MMP16: variants seen among roughly 807,000 people sequenced by gnomAD.
MMP16 encodes matrix metalloproteinase-16.
Under a neutral mutation model 67.8 loss-of-function variants are expected in MMP16, and 12 were observed. The observed-to-expected ratio is 0.18, with a 90% CI of 0.11 to 0.29. The LOEUF is 0.29. Among genes scored for constraint, MMP16 ranks in the 10% least tolerant of loss-of-function variants. The pLI, the probability that MMP16 is intolerant of heterozygous loss-of-function variation, is 1.00. For missense variants in MMP16, 475 were observed against 765.7 expected, an observed-to-expected ratio of 0.62 and a Z score of 4.48; for synonymous variants, 249 against 255.9, an observed-to-expected ratio of 0.97 and a Z score of 0.26.
chr8:88,196,010 A>G (rs1809243402), intron 2 of MMP16, among the ~76,000 whole-genome samples: 2 of 152,216 alleles, frequency 1.3e-5, no homozygotes, highest in African/African-American at 4.8e-5. Context: ...AAGGATGTCT[A>G]AGTCTAGATA....
At position 88,314,617 on chromosome 8, in the gene MMP16, C is replaced by T. The variant is rs62524547; in HGVS notation, c.132+12458G>A. On this transcript the variant is annotated intron_variant, in intron 1 of 9. Transcript: ENST00000286614. ...ATTATTTTTCATAACTGAGGCAAGA[C>T]ACTTCTGAGCACTCTCCCCTTTGCC... is the stretch of plus-strand genomic sequence containing the variant. 3.7e-3 allele frequency among the ~76,000 whole-genome samples: 570 copies of T among 152,298 alleles called. 2 individuals are homozygous for T. Among genetic ancestry groups the T allele is most frequent in the Non-Finnish European group, 6.6e-3 (448 of 68,026 alleles).
rs1325696512 is a variant in MMP16 at position 88,041,905 on chromosome 8, T to G, written c.1490-110A>C. ...TCTTAAGAGATGTATTTTAAGGCCC[T>G]TTAATTTTCATAGGAAGAAAACACT... On this transcript the variant is annotated intron_variant, in intron 9 of 9. Coordinates refer to ENST00000286614, the MANE Select transcript of MMP16 (RefSeq NM_005941.5). The surrounding 1 kb of genome is among the most constrained non-coding windows in gnomAD (Gnocchi z 6.0). The G allele has an allele frequency of 2.5e-6, 2 of 812,448 alleles. No individual in the cohort carries two copies. Among genetic ancestry groups the G allele is most frequent in the East Asian group, 5.3e-5 (2 of 37,558 alleles). The allele number at this position is 812,448 out of a possible 1,614,324, so 50.3% of individuals were successfully genotyped here.
At chr8:88,265,870 C>G (rs1810468864) in intron 1 of MMP16, among the ~76,000 whole-genome samples, 1 of 152,204 alleles carries the variant, frequency 6.6e-6, no homozygotes, top group African/African-American at 2.4e-5. Context: ...CAAATCTACA[C>G]TGACAACTGA....
Position 88,037,897 on chromosome 8 carries a change from G to A in MMP16, c.*3564C>T, listed in dbSNP as rs74930310. 6.6e-6 allele frequency: 1 copy of A among 151,942 alleles called. No individual in the cohort carries two copies. Among genetic ancestry groups the A allele is most frequent in the Non-Finnish European group, 1.5e-5 (1 of 67,880 alleles). The allele number at this position is 151,942 out of a possible 1,614,324, so 9.4% of individuals were successfully genotyped here. A position where few individuals can be genotyped will look rare whatever the true frequency, so the allele number is the denominator to read the frequency against. On this transcript the variant is annotated 3_prime_UTR_variant, in exon 10 of 10. Coordinates refer to ENST00000286614, the MANE Select transcript of MMP16 (RefSeq NM_005941.5). ...GAGAATTATTTTTGCAGGCATGAATGTGTTTTCATTTCAATTTGGGAAATC... is the reference window on the plus strand; with the variant it reads ...GAGAATTATTTTTGCAGGCATGAATATGTTTTCATTTCAATTTGGGAAATC...
chr8:88,140,096 G>A (rs979202466), intron 4 of MMP16, among the ~76,000 whole-genome samples: 1 of 152,058 alleles, frequency 6.6e-6, no homozygotes, highest in South Asian at 2.1e-4. Flanking sequence ...AATTTGATAC[G>A]GTCTGGGTCT....
intron 3 of MMP16, among the ~76,000 whole-genome samples, chr8:88,169,346 A>G (rs1240962779): frequency 6.6e-6 from 1 of 152,174 alleles, no homozygotes; most frequent in Non-Finnish European, 1.5e-5. Flanking sequence ...AGCATTTACT[A>G]TGAGCTAGAT....
intron 7 of MMP16, among the ~76,000 whole-genome samples, chr8:88,061,349 T>C (rs1242675309): frequency 6.6e-6 from 1 of 152,078 alleles, no homozygotes; most frequent in Non-Finnish European, 1.5e-5. Flanking sequence ...TATACCTCAG[T>C]GACTTATTGC....
intron 4 of MMP16, among the ~76,000 whole-genome samples, chr8:88,161,342 T>A (rs1348255640): frequency 6.6e-6 from 1 of 152,178 alleles, no homozygotes; most frequent in African/African-American, 2.4e-5. Flanking sequence ...CGTAGAGGTG[T>A]TTATAGTATT....
At chr8:88,237,823 C>G (rs1425237898) in intron 1 of MMP16, among the ~76,000 whole-genome samples, 1 of 152,136 alleles carries the variant, frequency 6.6e-6, no homozygotes, top group Non-Finnish European at 1.5e-5. Context: ...GCATGGTAAC[C>G]TACATGGATG....
At position 88,099,966 on chromosome 8, in the gene MMP16, A is replaced by T. The variant is rs183256628; in HGVS notation, c.1083+16541T>A. On this transcript the variant is annotated intron_variant, in intron 6 of 9. Transcript: ENST00000286614. ...GAGTGGTACTGAGGCAGCTACAAAG[A>T]TTCTCCTCATACAGAATATCAGCCC... Among the ~76,000 whole-genome samples the T allele has an allele frequency of 2.4e-4, 36 of 151,992 alleles. No homozygotes were observed. In the East Asian group the frequency reaches 4.3e-3, roughly 18 times the overall value.
At chr8:88,091,629 GA>G (rs1808939101) in intron 6 of MMP16, among the ~76,000 whole-genome samples, 1 of 151,728 alleles carries the variant, frequency 6.6e-6, no homozygotes, top group African/African-American at 2.4e-5. Context: ...TTAAGAGATA[GA>G]TTCTAGTTTA....
chr8:88,278,886 G>T (rs181957500), intron 1 of MMP16, among the ~76,000 whole-genome samples: 1 of 152,144 alleles, frequency 6.6e-6, no homozygotes, highest in African/African-American at 2.4e-5. Flanking sequence ...TAAAATTAAA[G>T]AAGTAGAGTA....
rs1371091861 is a variant in MMP16 at position 88,327,418 on chromosome 8, T to A, written c.-212A>T. The A allele has an allele frequency of 1.9e-6, 1 of 539,786 alleles. No homozygotes were observed. Among genetic ancestry groups the A allele is most frequent in the East Asian group, 3.3e-5 (1 of 29,876 alleles). 33.4% of individuals were successfully genotyped at this position (539,786 alleles called of 1,614,324 possible). On this transcript the variant is annotated 5_prime_UTR_variant, in exon 1 of 10. Transcript: ENST00000286614. The stretch of plus-strand genomic sequence containing the variant: ...CGAAGACAGGGTCAGCAGTAGTTCC[T>A]GTTCACCATCCTCCGGGGTCAGTCA...
In MMP16 at chr8:88,032,704, C is replaced by A. The variant is rs1194017512; in HGVS notation, c.*8757G>T. ...CTTTGTGTTTGTCAGTAGAAGCTAT[C>A]TGAAAAAAAAAATGCCAGATTTAAG... is the stretch of plus-strand genomic sequence containing the variant. On this transcript the variant is annotated 3_prime_UTR_variant, in exon 10 of 10. Coordinates refer to ENST00000286614, the MANE Select transcript of MMP16 (RefSeq NM_005941.5). The A allele has an allele frequency of 6.5e-5, 6 of 91,998 alleles. No homozygotes were observed. Among genetic ancestry groups the A allele is most frequent in the Non-Finnish European group, 1.2e-4 (5 of 42,976 alleles). The allele number at this position is 91,998 out of a possible 1,614,324, so 5.7% of individuals were successfully genotyped here. A position where few individuals can be genotyped will look rare whatever the true frequency, so the allele number is the denominator to read the frequency against.
At position 88,148,869 on chromosome 8, in the gene MMP16, G is replaced by C. The variant is rs538306742; in HGVS notation, c.709+18800C>G. On this transcript the variant is annotated intron_variant, in intron 4 of 9. Transcript: ENST00000286614. ...ATTATGGGGAGGAGCCAAGATGGCCGAATAGGAACAGCTCCGGTCTACAGC... is the reference window on the plus strand; with the variant it reads ...ATTATGGGGAGGAGCCAAGATGGCCCAATAGGAACAGCTCCGGTCTACAGC... Among the ~76,000 whole-genome samples the C allele has an allele frequency of 3.3e-5, 5 of 152,290 alleles. No homozygotes were observed. The East Asian group carries it at 9.7e-4, about 29-fold the overall frequency.
intron 1 of MMP16, among the ~76,000 whole-genome samples, chr8:88,236,905 C>G (rs1744212901): frequency 6.6e-6 from 1 of 152,152 alleles, no homozygotes; most frequent in Non-Finnish European, 1.5e-5. Flanking sequence ...TGCTACATAG[C>G]ACTTAAGGCA....
At chr8:88,201,599 A>T (rs1257788725) in intron 1 of MMP16, among the ~76,000 whole-genome samples, 1 of 152,158 alleles carries the variant, frequency 6.6e-6, no homozygotes, top group Non-Finnish European at 1.5e-5. Flanking sequence ...TACTAACAAA[A>T]TGTTTAAATC....
chr8:88,103,558 AAC>A, intron 6 of MMP16, among the ~76,000 whole-genome samples: 1 of 151,844 alleles, frequency 6.6e-6, no homozygotes, highest in Non-Finnish European at 1.5e-5. Flanking sequence ...TAGTAATAAT[AAC>A]ACAACCATCA....
intron 1 of MMP16, among the ~76,000 whole-genome samples, chr8:88,290,309 T>C (rs1474158210): frequency 6.6e-6 from 1 of 152,024 alleles, no homozygotes; most frequent in Non-Finnish European, 1.5e-5. Flanking sequence ...TCCCAGCAAC[T>C]TGGGAGGCCG....
Sources: gnomAD v4.1 joint callset for allele counts (sites outside exome capture counted in the v4.1 genomes callset) on GRCh38, gnomAD v4.1.1 for gene constraint, Gnocchi (gnomAD v3.1) non-coding constraint, MANE v1.5 for transcripts, NCBI Gene and HGNC (gene_info 2026-07-23, HGNC 2026-07-21) for gene names.